Variants in GALNT16 observed in about 807,000 individuals in gnomAD.
The protein encoded by GALNT16 is polypeptide N-acetylgalactosaminyltransferase 16.
In GALNT16, 40 loss-of-function variants were observed where a neutral mutation model predicts 76.1. The ratio of observed to expected loss-of-function variants is 0.53; its 90% CI spans 0.41 to 0.68. GALNT16 has a LOEUF of 0.68. Ranked by LOEUF, GALNT16 falls within the 30% of genes least tolerant of loss-of-function variation. The pLI is 0.00. For synonymous variants in GALNT16, 276 were observed against 285.2 expected, an observed-to-expected ratio of 0.97 and a Z score of 0.32; for missense variants, 621 against 731.9, an observed-to-expected ratio of 0.85 and a Z score of 1.75.
chr14:69,377,501 A>G, the GALNT16 span, among the ~76,000 whole-genome samples: 1 of 152,252 alleles, frequency 6.6e-6, no homozygotes, highest in South Asian at 2.1e-4. Context: ...ATATAAATTA[A>G]TATTTCTTCC....
At chr14:69,271,951 G>A (rs1044573046) in intron 1 of GALNT16, among the ~76,000 whole-genome samples, 7 of 152,108 alleles carry the variant, frequency 4.6e-5, no homozygotes, top group South Asian at 2.1e-4. Flanking sequence ...AGTTAATTTC[G>A]TCTGTTTCTT....
chr14:69,290,023 G>A (rs1383611012), intron 1 of GALNT16, among the ~76,000 whole-genome samples: 1 of 152,124 alleles, frequency 6.6e-6, no homozygotes, highest in African/African-American at 2.4e-5. Flanking sequence ...ACAGGCATAA[G>A]CCACCACGCC....
intron 1 of GALNT16, among the ~76,000 whole-genome samples, chr14:69,312,806 G>T (rs2045046937): frequency 6.6e-6 from 1 of 152,234 alleles, no homozygotes; most frequent in Admixed American, 6.5e-5. Flanking sequence ...TCCAGCCTGA[G>T]CTTGTCAGGA....
chr14:69,268,129 G>A (rs938789285), intron 1 of GALNT16, among the ~76,000 whole-genome samples: 2 of 152,194 alleles, frequency 1.3e-5, no homozygotes, highest in African/African-American at 4.8e-5. Context: ...TTGTGAGTGT[G>A]TCTGAGAATG....
intron 9 of GALNT16, among the ~76,000 whole-genome samples, chr14:69,336,982 C>T (rs2045423661): frequency 6.6e-6 from 1 of 152,216 alleles, no homozygotes; most frequent in African/African-American, 2.4e-5. Flanking sequence ...CGCCCTCAGC[C>T]TCCCAAAGTC....
At chr14:69,267,938 G>A (rs1029681274) in intron 1 of GALNT16, among the ~76,000 whole-genome samples, 3 of 152,162 alleles carry the variant, frequency 2.0e-5, no homozygotes, top group Admixed American at 6.5e-5. Flanking sequence ...TTGAATTAAG[G>A]AGAATAAGAC....
At chr14:69,278,690 A>T (rs1356789677) in intron 1 of GALNT16, among the ~76,000 whole-genome samples, 1 of 152,206 alleles carries the variant, frequency 6.6e-6, no homozygotes, top group South Asian at 2.1e-4. Flanking sequence ...AAAAATTGTC[A>T]AATTGGCAGT....
chr14:69,328,496 C>A lies in GALNT16; in HGVS notation c.615C>A (p.Thr205=). The change falls in exon 6 of 15, where the codon ACC becomes ACA. Residue 205 remains threonine, a synonymous_variant. Transcript: ENST00000448469. ...RVRGADVAAA[T]VLTFLDSHCE... is the part of the protein sequence containing the mutation. ...GTGGGGCGGACGTGGCTGCAGCTAC[C>A]GTTCTCACCTTTCTGGATAGCCACT... The A allele has an allele frequency of 6.2e-7, 1 of 1,613,960 alleles. No homozygotes were observed. Among genetic ancestry groups the A allele is most frequent in the Non-Finnish European group, 8.5e-7 (1 of 1,179,914 alleles).
chr14:69,265,792 A>G lies in GALNT16; in HGVS notation c.177+5325A>G, dbSNP rs1282468204. On this transcript the variant is annotated intron_variant, in intron 1 of 14. Coordinates refer to ENST00000448469, the MANE Select transcript of GALNT16 (RefSeq NM_001168368.2). ...ATCAGTGTGCTTGCCTGGTACAGTC[A>G]CCGACTGTGTGTAGCCCACTCTGAA... Among the ~76,000 whole-genome samples the G allele has an allele frequency of 3.3e-5, 5 of 152,270 alleles. No homozygotes were observed. The East Asian group carries it at 9.7e-4, about 29-fold the overall frequency.
rs545992991 is a variant in GALNT16, at chr14:69,318,015, A to C, written c.178-2696A>C. Among the ~76,000 whole-genome samples, 6 of 152,320 alleles carry C rather than the reference A, an allele frequency of 3.9e-5. No individual in the cohort carries two copies. The East Asian group carries it at 1.2e-3, about 29-fold the overall frequency. Reference sequence around the variant, plus strand: ...TCATGGAATTGTGGCCAGGAGCCACAACCTACCCTTCCTCAGGATCCCCTT... The same window carrying C: ...TCATGGAATTGTGGCCAGGAGCCACCACCTACCCTTCCTCAGGATCCCCTT... On this transcript the variant is annotated intron_variant, in intron 1 of 14. Transcript: ENST00000448469.
intron 1 of GALNT16, among the ~76,000 whole-genome samples, chr14:69,272,962 C>T (rs754956767): frequency 5.3e-5 from 8 of 152,140 alleles, no homozygotes; most frequent in East Asian, 1.9e-4. Context: ...TGCCTAATGA[C>T]GCATTTCTCA....
At chr14:69,345,381 G>T (rs1046412859) in intron 12 of GALNT16, among the ~76,000 whole-genome samples, 1 of 152,172 alleles carries the variant, frequency 6.6e-6, no homozygotes, top group African/African-American at 2.4e-5. Context: ...TGAGCCTCCT[G>T]TGAGCAGATC....
At chr14:69,383,593 A>G in the GALNT16 span, among the ~76,000 whole-genome samples, 1 of 152,242 alleles carries the variant, frequency 6.6e-6, no homozygotes, top group Non-Finnish European at 1.5e-5. Flanking sequence ...AGTTTTTCAG[A>G]GGCCAAAAAA....
chr14:69,322,201 C>T (rs959196706), intron 2 of GALNT16, among the ~76,000 whole-genome samples: 1 of 152,238 alleles, frequency 6.6e-6, no homozygotes, highest in African/African-American at 2.4e-5. Context: ...TCCTGCTTCG[C>T]GGCAAGGACA....
At chr14:69,363,996 A>G in the GALNT16 span, among the ~76,000 whole-genome samples, 2 of 152,262 alleles carry the variant, frequency 1.3e-5, no homozygotes, top group African/African-American at 4.8e-5. Context: ...TTTTACCTTG[A>G]ATCAGGGTTG....
At chr14:69,262,156 C>T (rs1025686360) in intron 1 of GALNT16, among the ~76,000 whole-genome samples, 1 of 152,172 alleles carries the variant, frequency 6.6e-6, no homozygotes. Context: ...CTCTGTCCCT[C>T]TTTCTGGTGA....
chr14:69,336,116 C>T (rs961897756), intron 9 of GALNT16, among the ~76,000 whole-genome samples: 1 of 152,108 alleles, frequency 6.6e-6, no homozygotes, highest in Non-Finnish European at 1.5e-5. Flanking sequence ...GCTGCACGGC[C>T]TCCTTTTTTT....
the GALNT16 span, among the ~76,000 whole-genome samples, chr14:69,383,581 A>G: frequency 6.6e-6 from 1 of 152,268 alleles, no homozygotes; most frequent in Admixed American, 6.5e-5. Context: ...TTTGATTCTG[A>G]AAGTTTTTCA....
chr14:69,275,020 G>C (rs957894452), intron 1 of GALNT16, among the ~76,000 whole-genome samples: 1 of 152,216 alleles, frequency 6.6e-6, no homozygotes, highest in Non-Finnish European at 1.5e-5. Context: ...CAGATTCTGT[G>C]AAGGATCTTA....
Sources: allele counts gnomAD v4.1 joint callset (sites outside exome capture counted in the v4.1 genomes callset), GRCh38; gene constraint gnomAD v4.1.1; transcripts MANE v1.5; gene names NCBI Gene and HGNC (gene_info 2026-07-23, HGNC 2026-07-21).